Variants in CLEC2A observed in about 807,000 individuals in gnomAD.
CLEC2A encodes C-type lectin domain family 2 member A, also known as keratinocyte-associated C-type lectin.
CLEC2A carries 19 observed loss-of-function variants against 18.6 expected under a neutral mutation model. The ratio of observed to expected loss-of-function variants is 1.02; its 90% CI spans 0.71 to 1.50. The LOEUF is 1.50. Ranked by LOEUF, CLEC2A falls within the 40% of genes most tolerant of loss-of-function variation. The pLI, the probability that CLEC2A is intolerant of heterozygous loss-of-function variation, is 0.00. For missense variants in CLEC2A, 190 were observed against 207.9 expected (o/e 0.91, Z 0.53); for synonymous variants, 74 against 64.0 (o/e 1.16, Z -0.75).
downstream of CLEC2A, chr12:9,895,637 T>C (rs183087735): frequency 3.2e-3 from 4,697 of 1,455,568 alleles, 14 homozygotes; most frequent in Middle Eastern, 5.6e-3. Flanking sequence ...CTTTAAAAGA[T>C]ACTATTATCA....
At chr12:9,880,478 A>G in the CLEC2A span, among the ~76,000 whole-genome samples, 7 of 151,968 alleles carry the variant, frequency 4.6e-5, no homozygotes, top group African/African-American at 1.7e-4. Flanking sequence ...AAATCAATGG[A>G]TTGATATTGA....
At chr12:9,924,612 A>G (rs900090241) in intron 2 of CLEC2A, among the ~76,000 whole-genome samples, 2 of 152,236 alleles carry the variant, frequency 1.3e-5, no homozygotes, top group African/African-American at 4.8e-5. Context: ...GATCTTTTTC[A>G]CAAAATAAAC....
chr12:9,921,051 CT>C (rs1213051202), intron 3 of CLEC2A, among the ~76,000 whole-genome samples: 2 of 152,188 alleles, frequency 1.3e-5, no homozygotes, highest in African/African-American at 4.8e-5. Flanking sequence ...AGCCCAACAA[CT>C]TATGGCTGTG....
At chr12:9,909,327 G>C (rs371060501), downstream of CLEC2A, among the ~76,000 whole-genome samples, 2 of 152,272 alleles carry the variant, frequency 1.3e-5, no homozygotes, top group Non-Finnish European at 2.9e-5. Context: ...CAGGGATCTT[G>C]GGCACGGAAT....
downstream of CLEC2A, chr12:9,898,529 A>G (rs1591781946): frequency 5.8e-6 from 1 of 171,336 alleles, no homozygotes; most frequent in Non-Finnish European, 1.2e-5. Context: ...TTCCTGGCAA[A>G]ACTCATCTCA....
intron 2 of CLEC2A, among the ~76,000 whole-genome samples, chr12:9,923,521 G>A (rs372079407): frequency 4.6e-5 from 7 of 152,242 alleles, no homozygotes; most frequent in East Asian, 3.9e-4. Context: ...ACAGTGTGGC[G>A]ATTCCTCAGG....
chr12:9,904,962 A>G (rs1453955741), intron 4 of CLEC2A, among the ~76,000 whole-genome samples: 8 of 152,196 alleles, frequency 5.3e-5, no homozygotes, highest in Non-Finnish European at 1.0e-4. Context: ...TCAATACGGT[A>G]TGGACATAAA....
At chr12:9,893,190 C>CT in the CLEC2A span, 1 of 1,521,202 alleles carries the variant, frequency 6.6e-7, no homozygotes, top group Non-Finnish European at 8.8e-7. Context: ...AAAACAGGAT[C>CT]TAACTGCACA....
At chr12:9,886,883 G>A in the CLEC2A span, among the ~76,000 whole-genome samples, 3 of 151,828 alleles carry the variant, frequency 2.0e-5, no homozygotes, top group Non-Finnish European at 2.9e-5. Context: ...ATACCCACTT[G>A]TTTTGGTTTT....
intron 4 of CLEC2A, among the ~76,000 whole-genome samples, chr12:9,903,195 TTCC>T (rs949641585): frequency 1.3e-5 from 2 of 152,026 alleles, no homozygotes; most frequent in African/African-American, 4.8e-5. Context: ...TTTTTAATAA[TTCC>T]TCCTCTTCAA....
intron 2 of CLEC2A, among the ~76,000 whole-genome samples, chr12:9,923,043 A>G (rs1863200163): frequency 1.3e-5 from 2 of 152,192 alleles, no homozygotes; most frequent in South Asian, 4.1e-4. Flanking sequence ...GTTTTGTTAA[A>G]CTTTAAGTTC....
At chr12:9,887,882 T>C in the CLEC2A span, among the ~76,000 whole-genome samples, 1 of 151,004 alleles carries the variant, frequency 6.6e-6, no homozygotes, top group Non-Finnish European at 1.5e-5. Context: ...TGAAACCCCG[T>C]CCCTAATAAA....
downstream of CLEC2A, among the ~76,000 whole-genome samples, chr12:9,908,557 G>T (rs1203440260): frequency 6.6e-6 from 1 of 152,020 alleles, no homozygotes; most frequent in Non-Finnish European, 1.5e-5. Context: ...TTCATATTTG[G>T]GTCCCACCTC....
At chr12:9,880,270 G>A in the CLEC2A span, among the ~76,000 whole-genome samples, 1 of 152,116 alleles carries the variant, frequency 6.6e-6, no homozygotes, top group Non-Finnish European at 1.5e-5. Flanking sequence ...AACTCAAAAA[G>A]AACAAAATAG....
chr12:9,882,649 C>T, the CLEC2A span, among the ~76,000 whole-genome samples: 3 of 152,170 alleles, frequency 2.0e-5, no homozygotes, highest in South Asian at 2.1e-4. Flanking sequence ...GGTATGGTGG[C>T]GTGTGCCTGT....
the CLEC2A span, chr12:9,888,897 T>C: frequency 1.8e-6 from 1 of 552,548 alleles, no homozygotes; most frequent in African/African-American, 1.9e-5. Flanking sequence ...TGGAGAAAGG[T>C]ATGGGGCTGA....
At chr12:9,890,771 A>T in the CLEC2A span, among the ~76,000 whole-genome samples, 3 of 152,300 alleles carry the variant, frequency 2.0e-5, no homozygotes, top group East Asian at 5.8e-4. Context: ...CATGCAAGTG[A>T]TATTTCGTCA....
the CLEC2A span, among the ~76,000 whole-genome samples, chr12:9,882,255 C>T: frequency 8.1e-6 from 1 of 123,064 alleles, no homozygotes; most frequent in Non-Finnish European, 1.6e-5. Flanking sequence ...TCAGAATTAC[C>T]AGTCGCAGTG....
At chr12:9,894,038 TTTTC>T (rs767303006), downstream of CLEC2A, among the ~76,000 whole-genome samples, 313 of 152,026 alleles carry the variant, frequency 2.1e-3, 2 homozygotes, top group African/African-American at 6.1e-3. Flanking sequence ...TTCTCTTTCT[TTTTC>T]TTTCTTTCTT....
Sources: allele counts gnomAD v4.1 joint callset (sites outside exome capture counted in the v4.1 genomes callset), GRCh38; gene constraint gnomAD v4.1.1; transcripts MANE v1.5; gene names NCBI Gene and HGNC (gene_info 2026-07-23, HGNC 2026-07-21).